The following MAF variants were observed in gnomAD, a reference collection of about 807,000 sequenced individuals.
The protein encoded by MAF is transcription factor Maf.
Under a neutral mutation model 22.0 loss-of-function variants are expected in MAF, and 10 were observed. The observed-to-expected ratio is 0.45, with a 90% CI of 0.28 to 0.77. The LOEUF is 0.77. Ranked by LOEUF, MAF falls within the 30% of genes least tolerant of loss-of-function variation. MAF has a pLI of 0.12. For missense variants in MAF, 544 were observed against 548.4 expected, an observed-to-expected ratio of 0.99 and a Z score of 0.08; for synonymous variants, 337 against 255.8, an observed-to-expected ratio of 1.32 and a Z score of -3.03.
the MAF span, among the ~76,000 whole-genome samples, chr16:79,280,574 C>T: frequency 2.0e-5 from 3 of 152,178 alleles, no homozygotes; most frequent in Non-Finnish European, 4.4e-5. Context: ...TTTTGAGTTT[C>T]CTAGGGCTGC....
chr16:79,547,926 G>T, the MAF span, among the ~76,000 whole-genome samples: 3,813 of 151,228 alleles, frequency 0.025, 139 homozygotes, highest in East Asian at 0.11. Flanking sequence ...GAGATAGAGA[G>T]AGAGAGAGAG....
At chr16:79,585,607 A>T (rs759201803), downstream of MAF, among the ~76,000 whole-genome samples, 1 of 152,224 alleles carries the variant, frequency 6.6e-6, no homozygotes, top group Non-Finnish European at 1.5e-5. Context: ...ACTTGACATA[A>T]CACATGGATA....
chr16:79,523,234 T>C, the MAF span, among the ~76,000 whole-genome samples: 1 of 152,304 alleles, frequency 6.6e-6, no homozygotes, highest in South Asian at 2.1e-4. Context: ...GCCATGATTG[T>C]TCTAACAGGA....
the MAF span, among the ~76,000 whole-genome samples, chr16:79,500,930 C>T: frequency 6.6e-6 from 1 of 152,114 alleles, no homozygotes; most frequent in East Asian, 1.9e-4. Context: ...AAATTCACCG[C>T]CATATTTTTT....
the MAF span, among the ~76,000 whole-genome samples, chr16:79,254,319 A>G: frequency 6.6e-6 from 1 of 152,102 alleles, no homozygotes; most frequent in Non-Finnish European, 1.5e-5. Flanking sequence ...TTAACACGGT[A>G]GCATCAATAT....
At chr16:79,314,064 A>T in the MAF span, among the ~76,000 whole-genome samples, 2 of 152,180 alleles carry the variant, frequency 1.3e-5, no homozygotes, top group South Asian at 4.1e-4. Flanking sequence ...AGACATGGAC[A>T]GTTCACATTT....
the MAF span, among the ~76,000 whole-genome samples, chr16:79,234,000 A>AG: frequency 1.3e-5 from 2 of 151,834 alleles, no homozygotes; most frequent in East Asian, 3.9e-4. Context: ...GCAAAAAAAA[A>AG]AAAAAGAGAG....
chr16:79,531,527 G>C, the MAF span, among the ~76,000 whole-genome samples: 10 of 152,230 alleles, frequency 6.6e-5, no homozygotes, highest in African/African-American at 2.4e-4. Flanking sequence ...AGCTAAGCTT[G>C]TTTTCTTGCC....
intron 1 of MAF, among the ~76,000 whole-genome samples, chr16:79,588,193 T>C (rs896654668): frequency 6.6e-6 from 1 of 152,146 alleles, no homozygotes; most frequent in Admixed American, 6.5e-5. Flanking sequence ...TAAATTTACA[T>C]GGGGATCGCA....
chr16:79,556,858 A>G, the MAF span, among the ~76,000 whole-genome samples: 1 of 152,242 alleles, frequency 6.6e-6, no homozygotes, highest in Non-Finnish European at 1.5e-5. Context: ...GTAAGGACAC[A>G]ACATATATGA....
the MAF span, among the ~76,000 whole-genome samples, chr16:79,502,733 A>G: frequency 9.0e-6 from 1 of 110,836 alleles, no homozygotes; most frequent in Non-Finnish European, 1.7e-5. Context: ...ATATATATAT[A>G]TATATATATA....
the MAF span, among the ~76,000 whole-genome samples, chr16:79,497,260 G>A: frequency 1.3e-3 from 194 of 152,232 alleles, no homozygotes; most frequent in African/African-American, 4.2e-3. Flanking sequence ...AGAAAAAAAG[G>A]CTTATTGTAA....
At chr16:79,275,785 T>A in the MAF span, among the ~76,000 whole-genome samples, 1 of 152,152 alleles carries the variant, frequency 6.6e-6, no homozygotes, top group African/African-American at 2.4e-5. Context: ...TAGTGAAGTA[T>A]CTCTTCTGTG....
At chr16:79,217,987 A>T in the MAF span, among the ~76,000 whole-genome samples, 5 of 4,354 alleles carry the variant, frequency 1.1e-3, no homozygotes, top group South Asian at 2.6e-3. Context: ...AAGCTTATGT[A>T]AAAAAAAAAA....
At chr16:79,218,223 C>CCCCTTTT in the MAF span, among the ~76,000 whole-genome samples, 1 of 129,642 alleles carries the variant, frequency 7.7e-6, no homozygotes, top group Admixed American at 8.3e-5. Flanking sequence ...CTTCATGCCC[C>CCCCTTTT]CCCTTTTTTT....
chr16:79,293,164 T>TCTTGCCAA, the MAF span, among the ~76,000 whole-genome samples: 5 of 152,184 alleles, frequency 3.3e-5, no homozygotes, highest in Admixed American at 1.3e-4. Flanking sequence ...TTTTCTTGCG[T>TCTTGCCAA]GAGGTCCAAG....
the MAF span, among the ~76,000 whole-genome samples, chr16:79,542,292 A>T: frequency 6.6e-6 from 1 of 152,280 alleles, no homozygotes; most frequent in East Asian, 1.9e-4. Context: ...AGCGGTTCTC[A>T]GCCAGTGGTG....
chr16:79,580,935 C>A (rs2143660646), downstream of MAF, among the ~76,000 whole-genome samples: 1 of 152,192 alleles, frequency 6.6e-6, no homozygotes, highest in East Asian at 1.9e-4. Flanking sequence ...CCCACTGGAG[C>A]AAAGAATGAG....
Position 79,594,250 on chromosome 16 carries a change from G to T in MAF, c.*210C>A. On this transcript the variant is annotated 3_prime_UTR_variant, in exon 2 of 2. Coordinates refer to ENST00000326043, the MANE Select transcript of MAF (RefSeq NM_005360.5). The stretch of plus-strand genomic sequence containing the variant: ...TGTTTACTTGCACACACCATAAATC[G>T]AAAAGCAGGAGTGCGCTTTCCTACC... 1 of 556,114 alleles carries T rather than the reference G, an allele frequency of 1.8e-6. No homozygotes were observed. Among genetic ancestry groups the T allele is most frequent in the Non-Finnish European group, 3.2e-6 (1 of 312,914 alleles). 34.4% of individuals were successfully genotyped at this position (556,114 alleles called of 1,614,324 possible).
Sources: gnomAD v4.1 joint callset for allele counts (sites outside exome capture counted in the v4.1 genomes callset) on GRCh38, gnomAD v4.1.1 for gene constraint, MANE v1.5 for transcripts, NCBI Gene and HGNC (gene_info 2026-07-23, HGNC 2026-07-21) for gene names.